ADGRF3: variants seen among roughly 807,000 people sequenced by gnomAD.
ADGRF3 encodes the protein G protein-coupled receptor 113.
A neutral mutation model predicts 93.2 loss-of-function variants in ADGRF3; 85 were observed. The observed-to-expected ratio is 0.91, with a 90% CI of 0.77 to 1.09. The LOEUF (loss-of-function observed/expected upper bound fraction) is 1.09, where lower values mean the gene tolerates loss of function less well. Among genes scored for constraint, ADGRF3 ranks in the 50% least tolerant of loss-of-function variants. ADGRF3 has a pLI of 0.00. For missense variants in ADGRF3, 1,125 were observed against 1,246.2 expected, an observed-to-expected ratio of 0.90 and a Z score of 1.46; for synonymous variants, 534 against 532.5, an observed-to-expected ratio of 1.00 and a Z score of -0.04.
intron 1 of ADGRF3, among the ~76,000 whole-genome samples, chr2:26,344,909 G>C (rs952813502): frequency 2.1e-4 from 32 of 152,242 alleles, no homozygotes; most frequent in Admixed American, 2.0e-3. Context: ...CTTTAGGAGG[G>C]GAGATTAGAC....
intron 10 of ADGRF3, 149 bp downstream of exon 10, chr2:26,310,543 G>T (rs1673981537): frequency 2.5e-6 from 2 of 803,570 alleles, no homozygotes; most frequent in Non-Finnish European, 3.9e-6. Flanking sequence ...CAGCTACTCA[G>T]TGGAGGAACT....
At chr2:26,345,971 C>T (rs529223558) in intron 1 of ADGRF3, 150 bp downstream of exon 1, 6 of 712,540 alleles carry the variant, frequency 8.4e-6, no homozygotes, top group African/African-American at 7.2e-5. Flanking sequence ...GATTGGACAA[C>T]AGCAGTGTCG....
intron 1 of ADGRF3, chr2:26,340,617 A>G (rs950552954): frequency 5.9e-5 from 9 of 152,266 alleles, no homozygotes; most frequent in Non-Finnish European, 1.2e-4. Context: ...AAAGGATCGC[A>G]GAGGTGATGC....
Position 26,311,919 on chromosome 2 carries a change from G to A in ADGRF3, c.1605C>T (p.Phe535=). The change falls in exon 10 of 14, where the codon TTC becomes TTT. Residue 535 remains phenylalanine (F), a synonymous_variant. Coordinates refer to ENST00000651242, the MANE Select transcript of ADGRF3 (RefSeq NM_001321971.2). ...TCTGCAGCAGCACATTGGGTAAGCT[G>A]AAGGCGAAGGGGTGGTCCTGTGGGC... is the stretch of plus-strand genomic sequence containing the variant. ...SLCPQDHPFA[F]SLPNVLLQSQ... The A allele has an allele frequency of 1.2e-6, 2 of 1,613,932 alleles. No individual in the cohort carries two copies. Among genetic ancestry groups the A allele is most frequent in the Non-Finnish European group, 1.7e-6 (2 of 1,179,864 alleles).
At chr2:26,334,153 A>T (rs902589692) in intron 1 of ADGRF3, among the ~76,000 whole-genome samples, 1 of 151,986 alleles carries the variant, frequency 6.6e-6, no homozygotes, top group Admixed American at 6.6e-5. Flanking sequence ...TAGGATTTTT[A>T]AAAATCACCT....
chr2:26,345,945 T>A, intron 1 of ADGRF3, 176 bp downstream of exon 1: 1 of 620,430 alleles, frequency 1.6e-6, no homozygotes, highest in Admixed American at 3.1e-5. Flanking sequence ...GGACTTAGTG[T>A]TGCCTGATCC....
intron 1 of ADGRF3, among the ~76,000 whole-genome samples, chr2:26,327,425 G>A (rs987175360): frequency 6.6e-6 from 1 of 152,196 alleles, no homozygotes; most frequent in African/African-American, 2.4e-5. Context: ...GAGCTGGATA[G>A]AGCAGCTTTC....
chr2:26,311,800 GC>G lies in ADGRF3; in HGVS notation c.1723del (p.Ala575ProfsTer10). ...LQAQIPRHSL[A>X]PLVRNGTEIS... ...TTCAGTTCCATTACGGACCAATGGG[GC>G]CAGTGAGTGCCTGGGAATCTGAGCC... On this transcript the variant is annotated frameshift_variant, in exon 10 of 14. Coordinates refer to ENST00000651242, the MANE Select transcript of ADGRF3 (RefSeq NM_001321971.2). LOFTEE classifies it high-confidence loss of function. 1 of 1,613,894 alleles carries G rather than the reference GC, an allele frequency of 6.2e-7. No individual in the cohort carries two copies. Among genetic ancestry groups the G allele is most frequent in the Non-Finnish European group, 8.5e-7 (1 of 1,179,842 alleles).
chr2:26,318,687 C>G (rs545573990), intron 1 of ADGRF3, among the ~76,000 whole-genome samples: 5 of 152,198 alleles, frequency 3.3e-5, no homozygotes, highest in African/African-American at 1.2e-4. Flanking sequence ...AAATGGCCAG[C>G]TTGACTGAAT....
At chr2:26,330,211 G>A (rs1675682987) in intron 1 of ADGRF3, among the ~76,000 whole-genome samples, 1 of 152,144 alleles carries the variant, frequency 6.6e-6, no homozygotes, top group Non-Finnish European at 1.5e-5. Flanking sequence ...CCCAGTGGCC[G>A]GCCCGGGACC....
chr2:26,346,209 T>G lies in ADGRF3; in HGVS notation c.26A>C (p.His9Pro). MTTRKLSA[H>P]SAATPGYKAV... Reference sequence around the variant, plus strand: ...CTTGTAGCCGGGAGTCGCTGCCGAGTGGGCGCTCAGTTTTCGGGTCGTCAT... The same window carrying G: ...CTTGTAGCCGGGAGTCGCTGCCGAGGGGGCGCTCAGTTTTCGGGTCGTCAT... The change falls in exon 1 of 14, where the codon CAC becomes CCC. Residue 9 changes from histidine (H) to proline (P), a missense_variant. By Grantham distance (77) the His-to-Pro change is moderately conservative. Transcript: ENST00000651242. 2 of 1,613,548 alleles carry G rather than the reference T, an allele frequency of 1.2e-6. No individual in the cohort carries two copies. The highest frequency in any genetic ancestry group is 1.7e-6 in the Non-Finnish European group (2 of 1,179,660).
chr2:26,336,932 G>C (rs967763641), intron 1 of ADGRF3, among the ~76,000 whole-genome samples: 3 of 152,058 alleles, frequency 2.0e-5, no homozygotes, highest in Non-Finnish European at 4.4e-5. Flanking sequence ...GATGAGTGAA[G>C]AGCAAGTGGG....
chr2:26,311,765 T>A lies in ADGRF3; in HGVS notation c.1759A>T (p.Thr587Ser). ...TCCAGTTTTCGCAGCACCAGGCTAGTAATACTTATTTCAGTTCCATTACGG... is the reference window on the plus strand; with the variant it reads ...TCCAGTTTTCGCAGCACCAGGCTAGAAATACTTATTTCAGTTCCATTACGG... ...LVRNGTEISITSLVLRKLDHL... is the reference protein window; with the variant it reads ...LVRNGTEISISSLVLRKLDHL... Residue 587 changes from threonine (T) to serine (S), a missense_variant, in exon 10 of 14, where the codon ACT (threonine) becomes TCT (serine). Thr to Ser is a moderately conservative substitution (Grantham distance 58). Coordinates refer to ENST00000651242, the MANE Select transcript of ADGRF3 (RefSeq NM_001321971.2). 1 of 1,613,660 alleles carries A rather than the reference T, an allele frequency of 6.2e-7. No homozygotes were observed. The highest frequency in any genetic ancestry group is 8.5e-7 in the Non-Finnish European group (1 of 1,179,738).
At chr2:26,310,564 C>T (rs1037788135) in intron 10 of ADGRF3, 128 bp downstream of exon 10, 21 of 996,970 alleles carry the variant, frequency 2.1e-5, no homozygotes, top group Admixed American at 2.7e-5. Flanking sequence ...GGGATCCACA[C>T]CTAAGCCTTC....
In ADGRF3 at chr2:26,317,496, C is replaced by T; in HGVS notation, c.181G>A (p.Glu61Lys). The T allele has an allele frequency of 6.3e-7, 1 of 1,590,214 alleles. No individual in the cohort carries two copies. The highest frequency in any genetic ancestry group is 8.6e-7 in the Non-Finnish European group (1 of 1,168,658). ...CTCCTCCTCCTGTCCATACACTCAC[C>T]CCCTGCTCCATTCTCTTGGTCCAGG... ...QLLDQENGAG[E>K]SALVSVYVHL... The change falls in exon 2 of 14, where the codon GAA becomes AAA. Residue 61 changes from glutamate to lysine, a missense_variant and splice_region_variant. Coordinates refer to ENST00000651242, the MANE Select transcript of ADGRF3 (RefSeq NM_001321971.2).
rs71399385 is a variant in ADGRF3, at chr2:26,336,315, A to AGTGTGTGT, written c.114+9798_114+9805dup. 3.4e-3 allele frequency among the ~76,000 whole-genome samples: 508 copies of AGTGTGTGT among 148,652 alleles called. 1 individual carries two copies. The highest frequency in any genetic ancestry group is 0.017 in the Middle Eastern group (5 of 292). On this transcript the variant is annotated intron_variant, in intron 1 of 13. Coordinates refer to ENST00000651242, the MANE Select transcript of ADGRF3 (RefSeq NM_001321971.2). ...AATCCTGCATTCTGGGGAGATCAAGAGTGTGTGTGTGTGTGTGTGTGAGTG... is the reference window on the plus strand; with the variant it reads ...AATCCTGCATTCTGGGGAGATCAAGAGTGTGTGTGTGTGTGTGTGTGTGTGTGTGAGTG...
At chr2:26,319,579 C>CTTCG (rs1291212752) in intron 1 of ADGRF3, among the ~76,000 whole-genome samples, 1 of 61,582 alleles carries the variant, frequency 1.6e-5, no homozygotes, top group African/African-American at 5.4e-5. Context: ...TCCTTCCTTC[C>CTTCG]TTCCTTCCTT....
At chr2:26,319,537 CCTTCT>C (rs1316414589) in intron 1 of ADGRF3, among the ~76,000 whole-genome samples, 1 of 144,988 alleles carries the variant, frequency 6.9e-6, no homozygotes, top group Non-Finnish European at 1.5e-5. Context: ...CCCTTCCTTC[CCTTCT>C]TTCTCTCCCT....
At chr2:26,316,500 TGGGCA>T in intron 3 of ADGRF3, 52 bp from the exon 4 acceptor site, 1 of 1,524,650 alleles carries the variant, frequency 6.6e-7, no homozygotes. Flanking sequence ...AGAAGCTAGG[TGGGCA>T]GGGCAGACAC....
Sources: gnomAD v4.1 joint callset for allele counts (sites outside exome capture counted in the v4.1 genomes callset) on GRCh38, gnomAD v4.1.1 for gene constraint, MANE v1.5 for transcripts, NCBI Gene and HGNC (gene_info 2026-07-23, HGNC 2026-07-21) for gene names.